Variants in DARS2 observed in about 807,000 individuals in gnomAD.
The protein encoded by DARS2 is aspartate--tRNA ligase, mitochondrial.
DARS2 carries 63 observed loss-of-function variants against 83.0 expected under a neutral mutation model. The ratio of observed to expected loss-of-function variants is 0.76; its 90% CI spans 0.62 to 0.94. DARS2 has a LOEUF of 0.94. DARS2 is among the 40% of genes least tolerant of loss of function. The pLI, the probability that DARS2 is intolerant of heterozygous loss-of-function variation, is 0.00. For missense variants in DARS2, 675 were observed against 774.4 expected (o/e 0.87, Z 1.52); for synonymous variants, 250 against 269.3 (o/e 0.93, Z 0.70).
rs964376234 is a variant in DARS2, at chr1:173,856,552, A to C, written c.1675-114A>C. The C allele has an allele frequency of 3.5e-6, 3 of 864,082 alleles. No individual in the cohort carries two copies. The African/African-American group carries it at 5.1e-5, about 15-fold the overall frequency. The allele number at this position is 864,082 out of a possible 1,614,324, so 53.5% of individuals were successfully genotyped here. On this transcript the variant is annotated intron_variant, in intron 15 of 16. Transcript: ENST00000649689. ...ATAAACTTTTATTATTGGTTAAGTC[A>C]GTTTTAGCTGTTTTAAAACTCAACT...
intron 11 of DARS2, among the ~76,000 whole-genome samples, chr1:173,843,068 G>A (rs932476940): frequency 6.6e-5 from 10 of 152,010 alleles, no homozygotes; most frequent in African/African-American, 2.2e-4. Context: ...TCTTTCTCAA[G>A]TAGATATAAG....
rs776183062 is a variant in DARS2 at position 173,857,739 on chromosome 1, GGT to G, written c.*35_*36del. 6.2e-7 allele frequency: 1 copy of G among 1,612,718 alleles called. No homozygotes were observed. The highest frequency in any genetic ancestry group is 8.5e-7 in the Non-Finnish European group (1 of 1,178,872). ...TACCATGCAGAAAGTTGAGCTTTTAGGTTTTGTCCTCTTTGCTTCCCCAAGGC... is the reference window on the plus strand; with the variant it reads ...TACCATGCAGAAAGTTGAGCTTTTAGTTTGTCCTCTTTGCTTCCCCAAGGC... On this transcript the variant is annotated 3_prime_UTR_variant, in exon 17 of 17. Transcript: ENST00000649689.
chr1:173,856,110 T>C (rs1276164279), intron 15 of DARS2, among the ~76,000 whole-genome samples: 3 of 152,148 alleles, frequency 2.0e-5, no homozygotes, highest in African/African-American at 7.2e-5. Context: ...AGCATAAGGC[T>C]TTGGCCTCTG....
At chr1:173,843,975 C>T (rs1050819857) in intron 11 of DARS2, among the ~76,000 whole-genome samples, 3 of 152,060 alleles carry the variant, frequency 2.0e-5, no homozygotes, top group African/African-American at 7.2e-5. Flanking sequence ...TTTTTGAAGT[C>T]CAGTAGTTGA....
rs1653120586 is a variant in DARS2 at position 173,839,286 on chromosome 1, A to G, written c.841-81A>G. Reference sequence around the variant, plus strand: ...CTGCATGTATTATGTGCAAAATTCTATAGTAACTTGAAAGCAGAAAAATAT... The same window carrying G: ...CTGCATGTATTATGTGCAAAATTCTGTAGTAACTTGAAAGCAGAAAAATAT... On this transcript the variant is annotated intron_variant, in intron 9 of 16. Transcript: ENST00000649689. The G allele has an allele frequency of 1.2e-5, 15 of 1,292,842 alleles. No individual in the cohort carries two copies. The Admixed American group carries it at 2.4e-4, about 21-fold the overall frequency. 80.1% of individuals were successfully genotyped at this position (1,292,842 alleles called of 1,614,324 possible). A position where few individuals can be genotyped will look rare whatever the true frequency, so the allele number is the denominator to read the frequency against.
At chr1:173,849,861 C>CTTTTT (rs10558579) in intron 12 of DARS2, among the ~76,000 whole-genome samples, 4 of 109,954 alleles carry the variant, frequency 3.6e-5, no homozygotes, top group Admixed American at 1.0e-4. Context: ...GTTGAAATGA[C>CTTTTT]TTTTTTTTTT....
chr1:173,836,908 C>G, intron 7 of DARS2, 32 bp from the exon 8 acceptor site: 1 of 1,584,250 alleles, frequency 6.3e-7, no homozygotes, highest in Non-Finnish European at 8.7e-7. Flanking sequence ...TTTTAATAAT[C>G]TGTCTTCTCT....
chr1:173,828,312 T>TGGGG, intron 2 of DARS2, 21 bp from the exon 3 acceptor site: 25 of 1,551,270 alleles, frequency 1.6e-5, no homozygotes, highest in Non-Finnish European at 2.2e-5. Context: ...AATGTTTCTT[T>TGGGG]TCCCCCCCCC....
rs1491060895 is a variant in DARS2, at chr1:173,826,681, TTA to T, written c.128-5_128-4del. 6.3e-6 allele frequency: 10 copies of T among 1,583,684 alleles called. No homozygotes were observed. Among genetic ancestry groups the T allele is most frequent in the Non-Finnish European group, 8.6e-6 (10 of 1,166,746 alleles). On this transcript the variant is annotated splice_region_variant and splice_polypyrimidine_tract_variant and intron_variant, in intron 1 of 16. Coordinates refer to ENST00000649689, the MANE Select transcript of DARS2 (RefSeq NM_018122.5). The stretch of plus-strand genomic sequence containing the variant: ...TTAAAGTTTCTTTTTTTTTTTTTTT[TTA>T]AAGAATTCAGTAGCTTTGTTGTCCG...
chr1:173,844,863 G>A (rs184519021), intron 11 of DARS2, among the ~76,000 whole-genome samples: 5 of 125,716 alleles, frequency 4.0e-5, no homozygotes, highest in Middle Eastern at 5.8e-3. Context: ...GCACAATCTC[G>A]GCTCACTGTA....
intron 16 of DARS2, 143 bp from the exon 17 acceptor site, chr1:173,857,375 T>G: frequency 1.3e-6 from 1 of 780,486 alleles, no homozygotes; most frequent in Non-Finnish European, 2.1e-6. Context: ...ACAAAAGTTC[T>G]CTAAAAAGGT....
At chr1:173,828,280 G>C (rs1277596433) in intron 2 of DARS2, 53 bp from the exon 3 acceptor site, 1 of 1,568,116 alleles carries the variant, frequency 6.4e-7, no homozygotes, top group African/African-American at 1.4e-5. Flanking sequence ...CTTCAACTTT[G>C]GACTTAGAGA....
At chr1:173,827,990 G>A (rs1652647771) in intron 2 of DARS2, among the ~76,000 whole-genome samples, 1 of 151,922 alleles carries the variant, frequency 6.6e-6, no homozygotes. Flanking sequence ...TTTCTTAAAA[G>A]GACTTAAGCC....
chr1:173,836,739 A>G (rs1169148881), intron 7 of DARS2, among the ~76,000 whole-genome samples: 1 of 152,182 alleles, frequency 6.6e-6, no homozygotes, highest in Non-Finnish European at 1.5e-5. Flanking sequence ...TACCGTATAC[A>G]ATGGTGTTTA....
At chr1:173,830,845 G>A in intron 4 of DARS2, 84 bp downstream of exon 4, 1 of 995,450 alleles carries the variant, frequency 1.0e-6, no homozygotes, top group East Asian at 2.4e-5. Context: ...ACACATGACT[G>A]GACATTAGGC....
At chr1:173,855,778 G>A (rs1320096481) in intron 15 of DARS2, among the ~76,000 whole-genome samples, 3 of 151,300 alleles carry the variant, frequency 2.0e-5, no homozygotes, top group African/African-American at 4.9e-5. Context: ...TTAGCCTCCC[G>A]AGTGGCTGGG....
intron 13 of DARS2, 116 bp downstream of exon 13, chr1:173,850,595 C>T (rs1415141730): frequency 3.0e-6 from 3 of 1,015,358 alleles, no homozygotes; most frequent in Non-Finnish European, 4.2e-6. Context: ...TGGAGCTGCT[C>T]TGCATAAATC....
Position 173,825,093 on chromosome 1 carries a change from G to C in DARS2, c.-137G>C. The C allele has an allele frequency of 1.6e-6, 2 of 1,272,154 alleles. No individual in the cohort carries two copies. The highest frequency in any genetic ancestry group is 2.2e-6 in the Non-Finnish European group (2 of 889,034). The allele number at this position is 1,272,154 out of a possible 1,614,324, so 78.8% of individuals were successfully genotyped here. A position where few individuals can be genotyped will look rare whatever the true frequency, so the allele number is the denominator to read the frequency against. On this transcript the variant is annotated 5_prime_UTR_variant, in exon 1 of 17. Coordinates refer to ENST00000649689, the MANE Select transcript of DARS2 (RefSeq NM_018122.5). Reference sequence around the variant, plus strand: ...GACACGTGTACTCCAATGTTGTGCGGAGGAGGCCTTAAATATTCGAGAAGA... The same window carrying C: ...GACACGTGTACTCCAATGTTGTGCGCAGGAGGCCTTAAATATTCGAGAAGA...
chr1:173,840,943 T>C lies in DARS2; in HGVS notation c.1098T>C (p.Thr366=), dbSNP rs750528627. The C allele has an allele frequency of 1.2e-6, 2 of 1,611,116 alleles. No homozygotes were observed. Among genetic ancestry groups the C allele is most frequent in the East Asian group, 2.2e-5 (1 of 44,842 alleles). ...LQDALSKPHG[T]VKAICIPEGA... ...ATGCACTTAGTAAGCCCCATGGAACTGTGAAAGCCATATGTATCCCTGAAG... is the reference window on the plus strand; with the variant it reads ...ATGCACTTAGTAAGCCCCATGGAACCGTGAAAGCCATATGTATCCCTGAAG... The change falls in exon 11 of 17, where the codon ACT becomes ACC. Residue 366 remains threonine (T), a synonymous_variant. Coordinates refer to ENST00000649689, the MANE Select transcript of DARS2 (RefSeq NM_018122.5).
Sources: gnomAD v4.1 joint callset for allele counts (sites outside exome capture counted in the v4.1 genomes callset) on GRCh38, gnomAD v4.1.1 for gene constraint, MANE v1.5 for transcripts, NCBI Gene and HGNC (gene_info 2026-07-23, HGNC 2026-07-21) for gene names.